Variants in RABGEF1 observed in about 807,000 individuals in gnomAD.
RABGEF1 encodes the protein RAB guanine nucleotide exchange factor 1.
Under a neutral mutation model 57.3 loss-of-function variants are expected in RABGEF1, and 26 were observed. The observed-to-expected ratio is 0.45, with a 90% CI of 0.33 to 0.63. The LOEUF (loss-of-function observed/expected upper bound fraction) is 0.63, where lower values mean the gene tolerates loss of function less well. Among genes scored for constraint, RABGEF1 ranks in the 20% least tolerant of loss-of-function variants. The pLI is 0.02. For synonymous variants in RABGEF1, 185 were observed against 210.7 expected, an observed-to-expected ratio of 0.88 and a Z score of 1.06; for missense variants, 464 against 607.6, an observed-to-expected ratio of 0.76 and a Z score of 2.48.
At chr7:66,780,659 C>A (rs1313293020) in intron 3 of RABGEF1, among the ~76,000 whole-genome samples, 1 of 152,144 alleles carries the variant, frequency 6.6e-6, no homozygotes, top group Non-Finnish European at 1.5e-5. Context: ...TCTCCAAATA[C>A]TGTGAATTTG....
At chr7:66,802,429 C>T (rs1385765811) in intron 7 of RABGEF1, among the ~76,000 whole-genome samples, 3 of 152,292 alleles carry the variant, frequency 2.0e-5, no homozygotes, top group Non-Finnish European at 2.9e-5. Context: ...AGAGATGGAG[C>T]GTATACTTAG....
chr7:66,708,896 T>C (rs62466145), intron 1 of RABGEF1, among the ~76,000 whole-genome samples: 5,997 of 152,118 alleles, frequency 0.039, 166 homozygotes, highest in East Asian at 0.085. Context: ...ATGAAATTTG[T>C]GATGGGAGGG....
At chr7:66,795,644 T>C in intron 5 of RABGEF1, 52 bp downstream of exon 5, 1 of 1,468,278 alleles carries the variant, frequency 6.8e-7, no homozygotes, top group Non-Finnish European at 9.5e-7. Context: ...GGATGACTGC[T>C]CAGTCTCTTA....
chr7:66,709,978 G>A (rs1794589734), intron 1 of RABGEF1, among the ~76,000 whole-genome samples: 1 of 152,052 alleles, frequency 6.6e-6, no homozygotes, highest in Non-Finnish European at 1.5e-5. Context: ...GTTGTTTAGT[G>A]GAGAAAATAT....
At chr7:66,655,659 C>G in the RABGEF1 span, among the ~76,000 whole-genome samples, 11 of 152,306 alleles carry the variant, frequency 7.2e-5, no homozygotes, top group African/African-American at 2.4e-4. Flanking sequence ...CGTCAGCTAT[C>G]GCGCAGCTTT....
At chr7:66,776,443 A>T (rs901635893) in intron 3 of RABGEF1, among the ~76,000 whole-genome samples, 2 of 152,220 alleles carry the variant, frequency 1.3e-5, no homozygotes, top group Non-Finnish European at 2.9e-5. Context: ...CTGTAATCTC[A>T]GCGCTTTGGG....
At chr7:66,712,782 A>T (rs1273997601) in intron 2 of RABGEF1, among the ~76,000 whole-genome samples, 1 of 146,870 alleles carries the variant, frequency 6.8e-6, no homozygotes, top group African/African-American at 2.5e-5. Flanking sequence ...CTCTTTCTGA[A>T]GATTTCTTGA....
At chr7:66,730,775 C>G (rs1797226962) in intron 2 of RABGEF1, among the ~76,000 whole-genome samples, 1 of 152,034 alleles carries the variant, frequency 6.6e-6, no homozygotes, top group African/African-American at 2.4e-5. Flanking sequence ...CCAGGCTGGC[C>G]TCGAACTCCT....
upstream of RABGEF1, among the ~76,000 whole-genome samples, chr7:66,681,397 T>C (rs1176224579): frequency 1.3e-5 from 2 of 151,536 alleles, no homozygotes; most frequent in East Asian, 3.9e-4. Flanking sequence ...GTTACGCTTT[T>C]TTTTTTTTTT....
chr7:66,745,708 G>A (rs533568586), intron 1 of RABGEF1, among the ~76,000 whole-genome samples: 128 of 150,860 alleles, frequency 8.5e-4, no homozygotes, highest in Non-Finnish European at 1.7e-3. Flanking sequence ...GGCGGAAATT[G>A]CAATGAGCCG....
At position 66,769,713 on chromosome 7, in the gene RABGEF1, C is replaced by T. The variant is rs527654844; in HGVS notation, c.-17-2170C>T. 8.5e-5 allele frequency among the ~76,000 whole-genome samples: 13 copies of T among 152,310 alleles called. No homozygotes were observed. The South Asian group carries it at 2.7e-3, about 32-fold the overall frequency. ...GAACTCTACATCTCAAGTTTTATGT[C>T]TTAAGATAGAGATCTTATCATGCTT... On this transcript the variant is annotated intron_variant, in intron 1 of 8. Coordinates refer to ENST00000284957, the MANE Select transcript of RABGEF1 (RefSeq NM_014504.3).
chr7:66,713,158 TTG>T (rs1379342016), intron 2 of RABGEF1, among the ~76,000 whole-genome samples: 1 of 150,720 alleles, frequency 6.6e-6, no homozygotes, highest in Non-Finnish European at 1.5e-5. Context: ...TTTTTTTTTT[TTG>T]AGACGTAGTC....
chr7:66,698,212 C>G (rs1792648310), intron 1 of RABGEF1, among the ~76,000 whole-genome samples: 1 of 152,016 alleles, frequency 6.6e-6, no homozygotes, highest in Non-Finnish European at 1.5e-5. Flanking sequence ...CTCCCTAAAA[C>G]CAAGTGTCCT....
intron 1 of RABGEF1, among the ~76,000 whole-genome samples, chr7:66,710,979 CA>C (rs199601693): frequency 8.9e-5 from 13 of 145,370 alleles, no homozygotes; most frequent in Admixed American, 1.4e-4. Context: ...CCTGTCACTA[CA>C]AAAAAAAAAT....
At chr7:66,722,156 CA>C (rs935663984) in intron 2 of RABGEF1, among the ~76,000 whole-genome samples, 3 of 151,822 alleles carry the variant, frequency 2.0e-5, no homozygotes, top group African/African-American at 7.2e-5. Context: ...GACCCTGTCT[CA>C]GGGGCTGGGT....
In RABGEF1 at chr7:66,711,672, C is replaced by T. The variant is rs772550853; in HGVS notation, c.-872-495C>T. Reference sequence around the variant, plus strand: ...CACAATCTCGGCTCGCTGCAAGCTCCGCCTCCTGGGTTCAAGCCATTGTCC... The same window carrying T: ...CACAATCTCGGCTCGCTGCAAGCTCTGCCTCCTGGGTTCAAGCCATTGTCC... On this transcript the variant is annotated intron_variant and NMD_transcript_variant, in intron 1 of 9. Transcript: ENST00000607882. Among the ~76,000 whole-genome samples the T allele has an allele frequency of 1.2e-3, 178 of 151,988 alleles. 1 individual carries two copies. Among genetic ancestry groups the T allele is most frequent in the Non-Finnish European group, 1.1e-3 (74 of 67,968 alleles).
chr7:66,740,422 T>C (rs1232805150), upstream of RABGEF1: 1 of 151,456 alleles, frequency 6.6e-6, no homozygotes, highest in Non-Finnish European at 1.5e-5. Flanking sequence ...GGAGCCAGCG[T>C]CGCCCTCCAG....
At chr7:66,676,087 G>A in the RABGEF1 span, among the ~76,000 whole-genome samples, 75,784 of 151,884 alleles carry the variant, frequency 0.5, 19,906 homozygotes, top group African/African-American at 0.65. Context: ...TTGGGAGGCC[G>A]TGGCAGACAG....
At chr7:66,786,613 A>G (rs1331809999) in intron 4 of RABGEF1, among the ~76,000 whole-genome samples, 1 of 152,198 alleles carries the variant, frequency 6.6e-6, no homozygotes, top group Non-Finnish European at 1.5e-5. Flanking sequence ...TATGTTGCCC[A>G]GGCTGGTCTT....
Sources: allele counts gnomAD v4.1 joint callset (sites outside exome capture counted in the v4.1 genomes callset), GRCh38; gene constraint gnomAD v4.1.1; transcripts MANE v1.5; gene names NCBI Gene and HGNC (gene_info 2026-07-23, HGNC 2026-07-21).